Variants in CSRNP3 observed in about 807,000 individuals in gnomAD.
CSRNP3 encodes cysteine/serine-rich nuclear protein 3.
A neutral mutation model predicts 48.0 loss-of-function variants in CSRNP3; 12 were observed. The observed-to-expected ratio is 0.25, with a 90% CI of 0.16 to 0.41. The LOEUF (loss-of-function observed/expected upper bound fraction) is 0.41. Among genes scored for constraint, CSRNP3 ranks in the 10% least tolerant of loss-of-function variants. The pLI is 1.00. For missense variants in CSRNP3, 580 were observed against 724.4 expected (o/e 0.80, Z 2.29); for synonymous variants, 263 against 269.7 (o/e 0.98, Z 0.24).
intron 3 of CSRNP3, among the ~76,000 whole-genome samples, chr2:165,558,123 G>T (rs1685183649): frequency 6.6e-6 from 1 of 152,112 alleles, no homozygotes; most frequent in Admixed American, 6.5e-5. Context: ...GGACCACAGG[G>T]AGAGTTGAAA....
At chr2:165,673,007 AGAGATGATATT>A in intron 5 of CSRNP3, among the ~76,000 whole-genome samples, 1 of 152,090 alleles carries the variant, frequency 6.6e-6, no homozygotes, top group Non-Finnish European at 1.5e-5. Context: ...TAGAAATGAT[AGAGATGATATT>A]GAGATGATGA....
At chr2:165,494,716 A>C (rs1161194790) in intron 1 of CSRNP3, 43 bp from the exon 2 acceptor site, 1 of 168,456 alleles carries the variant, frequency 5.9e-6, no homozygotes, top group African/African-American at 2.4e-5. Flanking sequence ...TGCAATCAGC[A>C]GCCAAATATT....
intron 1 of CSRNP3, among the ~76,000 whole-genome samples, chr2:165,492,724 T>TAAAAAAAAAAAAAA (rs11304265): frequency 1.8e-5 from 2 of 110,182 alleles, no homozygotes; most frequent in Non-Finnish European, 1.8e-5. Flanking sequence ...ACTATTAGAG[T>TAAAAAAAAAAAAAA]AAAAAAAAAA....
intron 3 of CSRNP3, among the ~76,000 whole-genome samples, chr2:165,547,164 A>G (rs1685041062): frequency 6.6e-6 from 1 of 152,118 alleles, no homozygotes; most frequent in Non-Finnish European, 1.5e-5. Flanking sequence ...ATTCATTTTT[A>G]TATCTGTAGA....
intron 5 of CSRNP3, among the ~76,000 whole-genome samples, chr2:165,675,043 A>G (rs1339792453): frequency 6.6e-6 from 1 of 152,044 alleles, no homozygotes. Context: ...TACACTTGCT[A>G]GTGTGTTATT....
chr2:165,603,514 C>G (rs1202262261), intron 4 of CSRNP3, among the ~76,000 whole-genome samples: 1 of 152,078 alleles, frequency 6.6e-6, no homozygotes, highest in Non-Finnish European at 1.5e-5. Flanking sequence ...TTTCCTTCCA[C>G]TTCCTTCCTC....
chr2:165,498,220 G>C (rs1684307861), intron 2 of CSRNP3, among the ~76,000 whole-genome samples: 1 of 152,060 alleles, frequency 6.6e-6, no homozygotes. Context: ...ACATAATGCT[G>C]CTTGTGATAA....
chr2:165,559,012 A>G (rs1417693889), intron 3 of CSRNP3, among the ~76,000 whole-genome samples: 3 of 152,148 alleles, frequency 2.0e-5, no homozygotes, highest in Non-Finnish European at 2.9e-5. Flanking sequence ...TAAATCATCT[A>G]TGGTACAGCA....
At chr2:165,647,295 A>G (rs976367596) in intron 4 of CSRNP3, among the ~76,000 whole-genome samples, 4 of 152,236 alleles carry the variant, frequency 2.6e-5, no homozygotes, top group Admixed American at 2.6e-4. Flanking sequence ...AATCGATTAC[A>G]TTATTTGACA....
chr2:165,613,208 A>G (rs1686169817), intron 4 of CSRNP3, among the ~76,000 whole-genome samples: 1 of 152,006 alleles, frequency 6.6e-6, no homozygotes, highest in Non-Finnish European at 1.5e-5. Context: ...CTTGTTGGCT[A>G]TTTATATGTC....
At chr2:165,633,861 T>A (rs1573933165) in intron 4 of CSRNP3, among the ~76,000 whole-genome samples, 2 of 152,196 alleles carry the variant, frequency 1.3e-5, no homozygotes, top group African/African-American at 4.8e-5. Context: ...AACCTCTGGG[T>A]ACTTTCCTGA....
Position 165,680,612 on chromosome 2 carries a change from CT to C in CSRNP3, c.*860del, listed in dbSNP as rs1687517739. 6.6e-6 allele frequency: 1 copy of C among 152,438 alleles called. No homozygotes were observed. The highest frequency in any genetic ancestry group is 2.4e-5 in the African/African-American group (1 of 41,382). The allele number at this position is 152,438 out of a possible 1,614,324, so 9.4% of individuals were successfully genotyped here. A position where few individuals can be genotyped will look rare whatever the true frequency, so the allele number is the denominator to read the frequency against. ...GGACAGCACCTTTAAGCTCTACCCC[CT>C]ACATCAAAATGCACTTTAGTGCCCC... On this transcript the variant is annotated 3_prime_UTR_variant, in exon 7 of 7. Transcript: ENST00000651982.
At chr2:165,501,674 G>T (rs1420171544) in intron 2 of CSRNP3, among the ~76,000 whole-genome samples, 1 of 151,880 alleles carries the variant, frequency 6.6e-6, no homozygotes, top group Non-Finnish European at 1.5e-5. Context: ...TTTTTGATTG[G>T]TATGTTCATG....
At chr2:165,592,141 G>A (rs1022878820) in intron 3 of CSRNP3, among the ~76,000 whole-genome samples, 1 of 152,226 alleles carries the variant, frequency 6.6e-6, no homozygotes, top group Non-Finnish European at 1.5e-5. Flanking sequence ...GTGAGACATG[G>A]AGTCAAATGA....
chr2:165,677,111 C>T (rs529844592), intron 6 of CSRNP3, among the ~76,000 whole-genome samples: 13 of 152,174 alleles, frequency 8.5e-5, no homozygotes, highest in Admixed American at 4.6e-4. Context: ...AAGTCAGGCC[C>T]ACTGGGTTAC....
At chr2:165,626,154 C>T (rs1055984371) in intron 4 of CSRNP3, among the ~76,000 whole-genome samples, 18 of 150,306 alleles carry the variant, frequency 1.2e-4, no homozygotes, top group African/African-American at 3.2e-4. Flanking sequence ...ACTCAGGGGG[C>T]GGAGGTTGCA....
chr2:165,510,489 C>G (rs1404605196), intron 2 of CSRNP3, among the ~76,000 whole-genome samples: 1 of 152,088 alleles, frequency 6.6e-6, no homozygotes, highest in African/African-American at 2.4e-5. Flanking sequence ...TTTTGACATG[C>G]CCTGGTCTAT....
At position 165,685,856 on chromosome 2, in the gene CSRNP3, CTCTT is replaced by C. The variant is rs1188541194; in HGVS notation, c.*6105_*6108del. The C allele has an allele frequency of 9.9e-5, 15 of 152,094 alleles. No individual in the cohort carries two copies. Among genetic ancestry groups the C allele is most frequent in the African/African-American group, 2.9e-4 (12 of 41,422 alleles). 9.4% of individuals were successfully genotyped at this position (152,094 alleles called of 1,614,324 possible). A position where few individuals can be genotyped will look rare whatever the true frequency, so the allele number is the denominator to read the frequency against. On this transcript the variant is annotated 3_prime_UTR_variant, in exon 7 of 7. Coordinates refer to ENST00000651982, the MANE Select transcript of CSRNP3 (RefSeq NM_001172173.2). ...TCAGCATGCTAATGATGTAACTCCTCTCTTTATCATTACCACGGTGATAGTTAAG... is the reference window on the plus strand; with the variant it reads ...TCAGCATGCTAATGATGTAACTCCTCTATCATTACCACGGTGATAGTTAAG...
chr2:165,587,558 G>A (rs938598746), intron 3 of CSRNP3, among the ~76,000 whole-genome samples: 3 of 152,234 alleles, frequency 2.0e-5, no homozygotes, highest in Admixed American at 6.5e-5. Context: ...GTGACACAGA[G>A]AGAAGTTGCT....
Sources: allele counts gnomAD v4.1 joint callset (sites outside exome capture counted in the v4.1 genomes callset), GRCh38; gene constraint gnomAD v4.1.1; transcripts MANE v1.5; gene names NCBI Gene and HGNC (gene_info 2026-07-23, HGNC 2026-07-21).